The following FOXP2 variants were observed in gnomAD, a reference collection of about 807,000 sequenced individuals.
FOXP2 encodes the protein forkhead box P2.
Under a neutral mutation model 115.8 loss-of-function variants are expected in FOXP2, and 12 were observed. The observed-to-expected ratio is 0.10, with a 90% CI of 0.07 to 0.17. The LOEUF (loss-of-function observed/expected upper bound fraction) is 0.17, where lower values mean the gene tolerates loss of function less well. Among genes scored for constraint, FOXP2 ranks in the 10% least tolerant of loss-of-function variants. FOXP2 has a pLI of 1.00. For missense variants in FOXP2, 629 were observed against 843.5 expected (o/e 0.75, Z 3.15); for synonymous variants, 328 against 297.7 (o/e 1.10, Z -1.05).
intron 2 of FOXP2, among the ~76,000 whole-genome samples, chr7:114,344,512 GT>G (rs1421836960): frequency 6.6e-6 from 1 of 151,792 alleles, no homozygotes; most frequent in East Asian, 1.9e-4. Flanking sequence ...GACTATTTCG[GT>G]TAATCAGTGT....
chr7:114,172,637 T>C (rs984882248), intron 1 of FOXP2, among the ~76,000 whole-genome samples: 2 of 152,160 alleles, frequency 1.3e-5, no homozygotes. Flanking sequence ...CTGTACTTTC[T>C]TCTCAATTTT....
chr7:114,680,176 A>C (rs939787106), intron 16 of FOXP2, among the ~76,000 whole-genome samples: 23 of 152,306 alleles, frequency 1.5e-4, no homozygotes, highest in Admixed American at 1.2e-3. Flanking sequence ...CACAAATGTA[A>C]ATTAAATTAA....
chr7:114,498,511 A>G (rs1797423193), intron 2 of FOXP2, among the ~76,000 whole-genome samples: 1 of 152,170 alleles, frequency 6.6e-6, no homozygotes, highest in African/African-American at 2.4e-5. Flanking sequence ...ATAGGAAACT[A>G]TTAACTTTAA....
chr7:114,564,335 T>C (rs1251851253), intron 3 of FOXP2, among the ~76,000 whole-genome samples: 2 of 152,144 alleles, frequency 1.3e-5, no homozygotes, highest in Non-Finnish European at 2.9e-5. Context: ...GGTCAAACTG[T>C]ACTTTTTACG....
At chr7:114,563,718 C>A (rs1800863919) in intron 3 of FOXP2, among the ~76,000 whole-genome samples, 1 of 152,154 alleles carries the variant, frequency 6.6e-6, no homozygotes, top group South Asian at 2.1e-4. Context: ...CTTGTATAGC[C>A]AGAAGTCTTC....
chr7:114,664,206 T>A, intron 15 of FOXP2, 67 bp from the exon 16 acceptor site: 1 of 1,516,084 alleles, frequency 6.6e-7, no homozygotes, highest in Non-Finnish European at 9.1e-7. Flanking sequence ...TAAAAGAAGA[T>A]ACATGTTTTA....
intron 1 of FOXP2, among the ~76,000 whole-genome samples, chr7:114,125,501 C>G (rs1232610607): frequency 6.6e-6 from 1 of 152,028 alleles, no homozygotes; most frequent in Non-Finnish European, 1.5e-5. Flanking sequence ...ACAGTGGTAA[C>G]AACTGAATCT....
At chr7:114,269,902 C>A (rs1795992874) in intron 1 of FOXP2, among the ~76,000 whole-genome samples, 1 of 152,110 alleles carries the variant, frequency 6.6e-6, no homozygotes, top group Non-Finnish European at 1.5e-5. Flanking sequence ...ATTCTTCAAA[C>A]AAATATTTAA....
chr7:114,577,546 C>T (rs1274238908), intron 3 of FOXP2, among the ~76,000 whole-genome samples: 2 of 151,876 alleles, frequency 1.3e-5, no homozygotes, highest in African/African-American at 4.8e-5. Context: ...AAATACTTAG[C>T]ATAAAGAACA....
intron 1 of FOXP2, among the ~76,000 whole-genome samples, chr7:114,169,922 T>G (rs1167510867): frequency 6.6e-6 from 1 of 152,176 alleles, no homozygotes; most frequent in Admixed American, 6.5e-5. Flanking sequence ...CTGCCATCCA[T>G]GTAAGATGTG....
chr7:114,380,267 G>A (rs1419939935), intron 2 of FOXP2, among the ~76,000 whole-genome samples: 9 of 152,258 alleles, frequency 5.9e-5, no homozygotes, highest in South Asian at 2.1e-4. Context: ...ACATTGCTGC[G>A]TGGGCATGGA....
At chr7:114,496,128 GA>G (rs552779625) in intron 2 of FOXP2, among the ~76,000 whole-genome samples, 5 of 151,452 alleles carry the variant, frequency 3.3e-5, no homozygotes, top group Non-Finnish European at 7.4e-5. Context: ...TTACTTTTTA[GA>G]AAAAAAATCT....
chr7:114,501,292 T>G (rs1185302441), intron 2 of FOXP2, among the ~76,000 whole-genome samples: 1 of 152,184 alleles, frequency 6.6e-6, no homozygotes. Flanking sequence ...AAATATTCAT[T>G]TGTTACTTTG....
intron 2 of FOXP2, among the ~76,000 whole-genome samples, chr7:114,493,707 C>A (rs1180925452): frequency 6.6e-6 from 1 of 152,026 alleles, no homozygotes; most frequent in Non-Finnish European, 1.5e-5. Context: ...CACACACACT[C>A]TTACACACAA....
intron 2 of FOXP2, among the ~76,000 whole-genome samples, chr7:114,337,093 C>A (rs967121481): frequency 2.6e-5 from 4 of 151,458 alleles, no homozygotes; most frequent in African/African-American, 9.7e-5. Flanking sequence ...ATAGATTATT[C>A]TATAATATTT....
intron 2 of FOXP2, among the ~76,000 whole-genome samples, chr7:114,338,034 T>A (rs1797902459): frequency 6.6e-6 from 1 of 151,226 alleles, no homozygotes. Context: ...AATTGGAATA[T>A]GTAGAGGCCT....
intron 3 of FOXP2, among the ~76,000 whole-genome samples, chr7:114,552,722 CT>C (rs796707260): frequency 2.0e-5 from 3 of 152,236 alleles, no homozygotes; most frequent in African/African-American, 7.2e-5. Flanking sequence ...CCACATACCC[CT>C]ATGACATGCC....
intron 3 of FOXP2, among the ~76,000 whole-genome samples, chr7:114,540,278 T>G (rs1208316449): frequency 2.6e-5 from 4 of 152,076 alleles, no homozygotes; most frequent in Non-Finnish European, 4.4e-5. Context: ...ACTTATATTT[T>G]AATGTTTATC....
At chr7:114,496,148 C>G (rs908667346) in intron 2 of FOXP2, among the ~76,000 whole-genome samples, 3 of 152,064 alleles carry the variant, frequency 2.0e-5, no homozygotes, top group Non-Finnish European at 4.4e-5. Context: ...CTATAATAAT[C>G]CTAGTATGAC....
Sources: allele counts gnomAD v4.1 joint callset (sites outside exome capture counted in the v4.1 genomes callset), GRCh38; gene constraint gnomAD v4.1.1; transcripts MANE v1.5; gene names NCBI Gene and HGNC (gene_info 2026-07-23, HGNC 2026-07-21).